VPS26C: variants seen among roughly 807,000 people sequenced by gnomAD.
VPS26C encodes vacuolar protein sorting-associated protein 26C.
A neutral mutation model predicts 30.6 loss-of-function variants in VPS26C; 19 were observed. That is an observed-to-expected ratio of 0.62 (90% confidence interval 0.43 to 0.91). VPS26C has a LOEUF of 0.91. Ranked by LOEUF, VPS26C falls within the 40% of genes least tolerant of loss-of-function variation. The pLI is 0.00. For missense variants in VPS26C, 318 were observed against 385.1 expected (o/e 0.83, Z 1.46); for synonymous variants, 132 against 151.5 (o/e 0.87, Z 0.95).
chr21:37,232,110 T>C (rs926215602), intron 5 of VPS26C: 1 of 441,242 alleles, frequency 2.3e-6, no homozygotes, highest in Non-Finnish European at 4.1e-6. Flanking sequence ...TGGGGGCCCA[T>C]GATGCAGTAA....
At chr21:37,227,440 G>C (rs117962161) in intron 7 of VPS26C, 1 of 576,054 alleles carries the variant, frequency 1.7e-6, no homozygotes, top group Non-Finnish European at 3.1e-6. Context: ...AGGACTGCCT[G>C]TGGGTGTGTC....
At chr21:37,237,072 T>G (rs2086033151) in intron 3 of VPS26C, among the ~76,000 whole-genome samples, 1 of 152,214 alleles carries the variant, frequency 6.6e-6, no homozygotes, top group Admixed American at 6.5e-5. Context: ...TGAGCCACTG[T>G]GCCTGGCCAG....
intron 1 of VPS26C, 121 bp from the exon 2 acceptor site, chr21:37,240,760 A>T (rs1376058356): frequency 7.6e-7 from 1 of 1,314,890 alleles, no homozygotes; most frequent in Non-Finnish European, 1.0e-6. Flanking sequence ...ATTCACTGAG[A>T]CACCTGGATA....
rs1413264012 is a variant in VPS26C at position 37,240,582 on chromosome 21, C to T, written c.115G>A (p.Val39Met). Residue 39 changes from valine to methionine, a missense_variant, in exon 2 of 8, where the codon GTG becomes ATG. Transcript: ENST00000309117. ...SSKDSVQHQG[V>M]SLTMEGTVNL... ...ACAGTTCCTTCCATGGTCAAAGACA[C>T]TCCCTGGTGTTGGACTGAATCCTTA... The T allele has an allele frequency of 1.2e-6, 2 of 1,614,254 alleles. No individual in the cohort carries two copies. Among genetic ancestry groups the T allele is most frequent in the Non-Finnish European group, 1.7e-6 (2 of 1,180,052 alleles).
chr21:37,232,748 T>TA (rs1341099712), intron 4 of VPS26C: 1 of 481,932 alleles, frequency 2.1e-6, no homozygotes, highest in Non-Finnish European at 3.8e-6. Context: ...GGCAAGTACT[T>TA]ATTTGAAACC....
intron 1 of VPS26C, 124 bp downstream of exon 1, chr21:37,267,114 G>A (rs372752053): frequency 1.9e-5 from 17 of 887,948 alleles, no homozygotes; most frequent in South Asian, 9.9e-5. Flanking sequence ...CCTTGGCGGA[G>A]ACGCACCTGG....
In VPS26C at chr21:37,245,049, G is replaced by A. The variant is rs757589426; in HGVS notation, c.58-4410C>T. 3.3e-5 allele frequency among the ~76,000 whole-genome samples: 5 copies of A among 152,156 alleles called. No individual in the cohort carries two copies. The South Asian group carries it at 6.2e-4, about 19-fold the overall frequency. On this transcript the variant is annotated intron_variant, in intron 1 of 7. Coordinates refer to ENST00000309117, the MANE Select transcript of VPS26C (RefSeq NM_006052.2). ...AAAGAAACTCTCACGTAAATCCTCC[G>A]GCTATTAGAACACTCCAGCCAGCCT...
intron 5 of VPS26C, chr21:37,230,842 T>G (rs2085954441): frequency 6.6e-6 from 1 of 152,382 alleles, no homozygotes; most frequent in Admixed American, 6.5e-5. Flanking sequence ...TAGGCAGGTA[T>G]CACAGGTGAG....
intron 1 of VPS26C, chr21:37,262,023 G>A (rs954997741): frequency 1.3e-5 from 2 of 151,638 alleles, no homozygotes; most frequent in Non-Finnish European, 2.9e-5. Flanking sequence ...TTAAAAAGGA[G>A]GCTACAATTC....
chr21:37,252,260 A>G (rs543541108), intron 1 of VPS26C, among the ~76,000 whole-genome samples: 1 of 152,246 alleles, frequency 6.6e-6, no homozygotes, highest in Non-Finnish European at 1.5e-5. Context: ...AGTAGCACTG[A>G]GAGACCCATT....
At chr21:37,241,070 C>G (rs1758076351) in intron 1 of VPS26C, among the ~76,000 whole-genome samples, 1 of 152,234 alleles carries the variant, frequency 6.6e-6, no homozygotes, top group African/African-American at 2.4e-5. Flanking sequence ...GGCTCTTTCT[C>G]AATAGCGCTG....
rs1461242719 is a variant in VPS26C, at chr21:37,227,689, G to A, written c.776C>T (p.Thr259Ile). 3.7e-6 allele frequency: 6 copies of A among 1,614,174 alleles called. No individual in the cohort carries two copies. In the East Asian group the frequency reaches 1.3e-4, roughly 36 times the overall value. The stretch of plus-strand genomic sequence containing the variant: ...GTTGGTGGTCTCCAGTGTAGGGCAG[G>A]TGAACAGCCTAGGGAAGACCATGTA... ...PIYMVFPRLF[T>I]CPTLETTNFK... The change falls in exon 7 of 8, where the codon ACC (threonine) becomes ATC (isoleucine). Residue 259 changes from threonine (T) to isoleucine (I), a missense_variant. Physicochemically the swap from Thr to Ile is moderately conservative, Grantham distance 89. Transcript: ENST00000309117.
intron 5 of VPS26C, 130 bp downstream of exon 5, chr21:37,232,247 G>A (rs1211678707): frequency 6.8e-6 from 5 of 740,246 alleles, no homozygotes; most frequent in Non-Finnish European, 1.2e-5. Context: ...TGAGTAATTT[G>A]GGTACAATCA....
chr21:37,225,318 G>A lies in VPS26C; in HGVS notation c.*226C>T. On this transcript the variant is annotated 3_prime_UTR_variant, in exon 8 of 8. Coordinates refer to ENST00000309117, the MANE Select transcript of VPS26C (RefSeq NM_006052.2). Reference sequence around the variant, plus strand: ...AAATGGTCTTGGCAAATAGCATTAAGAAATCTTGTTGAATTTCAAAGAAAA... The same window carrying A: ...AAATGGTCTTGGCAAATAGCATTAAAAAATCTTGTTGAATTTCAAAGAAAA... The A allele has an allele frequency of 5.4e-6, 3 of 560,438 alleles. No individual in the cohort carries two copies. Among genetic ancestry groups the A allele is most frequent in the East Asian group, 2.8e-5 (1 of 35,286 alleles). 34.7% of individuals were successfully genotyped at this position (560,438 alleles called of 1,614,324 possible).
chr21:37,267,396 T>A (rs537038829), upstream of VPS26C: 10 of 1,044,084 alleles, frequency 9.6e-6, no homozygotes, highest in South Asian at 1.1e-4. Context: ...TTTCCCTCTC[T>A]GCCGGCAGTG....
chr21:37,228,129 G>C, intron 6 of VPS26C, 94 bp downstream of exon 6: 1 of 1,512,492 alleles, frequency 6.6e-7, no homozygotes, highest in East Asian at 2.3e-5. Flanking sequence ...GTGCGCCACT[G>C]TGCCCAGCCC....
intron 1 of VPS26C, among the ~76,000 whole-genome samples, chr21:37,242,172 T>A (rs1225398400): frequency 6.6e-6 from 1 of 152,266 alleles, no homozygotes; most frequent in Non-Finnish European, 1.5e-5. Context: ...GTTTAATGTT[T>A]AATTTAATGT....
intron 1 of VPS26C, among the ~76,000 whole-genome samples, chr21:37,266,552 A>G (rs548161798): frequency 6.6e-6 from 1 of 152,138 alleles, no homozygotes; most frequent in African/African-American, 2.4e-5. Context: ...AGTTAGAGGA[A>G]CCTTACAACA....
At position 37,263,935 on chromosome 21, in the gene VPS26C, C is replaced by T. The variant is rs73903523; in HGVS notation, c.57+3303G>A. On this transcript the variant is annotated intron_variant, in intron 1 of 7. Coordinates refer to ENST00000309117, the MANE Select transcript of VPS26C (RefSeq NM_006052.2). Reference sequence around the variant, plus strand: ...AGGGCCGCTTCTCCCACAACCACAGCGCAAACTAGATGTGACATATGCACT... The same window carrying T: ...AGGGCCGCTTCTCCCACAACCACAGTGCAAACTAGATGTGACATATGCACT... 6.6e-3 allele frequency among the ~76,000 whole-genome samples: 1,001 copies of T among 152,256 alleles called. 11 individuals are homozygous for T. Among genetic ancestry groups the T allele is most frequent in the African/African-American group, 0.023 (937 of 41,548 alleles).
Sources: gnomAD v4.1 joint callset for allele counts (sites outside exome capture counted in the v4.1 genomes callset) on GRCh38, gnomAD v4.1.1 for gene constraint, MANE v1.5 for transcripts, NCBI Gene and HGNC (gene_info 2026-07-23, HGNC 2026-07-21) for gene names.